Variants in CDKL4 observed in about 807,000 individuals in gnomAD.
CDKL4 encodes cyclin dependent kinase like 4.
CDKL4 carries 44 observed loss-of-function variants against 42.0 expected under a neutral mutation model. The observed-to-expected ratio is 1.05, with a 90% CI of 0.82 to 1.35. The LOEUF is 1.35. Ranked by LOEUF, CDKL4 falls within the 40% of genes most tolerant of loss-of-function variation. The pLI is 0.00. For missense variants in CDKL4, 393 were observed against 369.9 expected, an observed-to-expected ratio of 1.06 and a Z score of -0.51; for synonymous variants, 120 against 121.6, an observed-to-expected ratio of 0.99 and a Z score of 0.09.
Position 39,233,899 on chromosome 2 carries a change from A to AC in CDKL4, c.-56-4312_-56-4311insG, listed in dbSNP as rs1558586357. Among the ~76,000 whole-genome samples the AC allele has an allele frequency of 2.3e-3, 294 of 130,328 alleles. 1 individual carries two copies. The highest frequency in any genetic ancestry group is 7.6e-3 in the African/African-American group (274 of 36,036). The allele number at this position is 130,328 out of a possible 152,430, so 85.5% of individuals were successfully genotyped here. A position where few individuals can be genotyped will look rare whatever the true frequency, so the allele number is the denominator to read the frequency against. On this transcript the variant is annotated intron_variant, in intron 1 of 9. Coordinates refer to ENST00000451199, the Ensembl canonical transcript of CDKL4. ...AAGAAGATATATATATATATATATA[A>AC]ATTTTATTTTTACTTTTTTTTTTTT...
intron 5 of CDKL4, among the ~76,000 whole-genome samples, 153 bp downstream of exon 5, chr2:39,204,370 AAACG>A (rs1677038526): frequency 6.6e-6 from 1 of 152,360 alleles, no homozygotes; most frequent in African/African-American, 2.4e-5. Flanking sequence ...GTTGAAGTGC[AAACG>A]AATGTACTGA....
intron 3 of CDKL4, among the ~76,000 whole-genome samples, chr2:39,220,150 T>C: frequency 6.6e-6 from 1 of 152,106 alleles, no homozygotes; most frequent in East Asian, 1.9e-4. Context: ...AGTCCAGGAA[T>C]TGGAATGTGA....
At chr2:39,233,206 A>C (rs753258393) in intron 1 of CDKL4, among the ~76,000 whole-genome samples, 4 of 152,160 alleles carry the variant, frequency 2.6e-5, no homozygotes, top group Non-Finnish European at 5.9e-5. Context: ...GAGTAAAAGA[A>C]GGGCCTAAGA....
intron 1 of CDKL4, among the ~76,000 whole-genome samples, chr2:39,239,110 AC>A (rs1239024660): frequency 6.6e-6 from 1 of 152,226 alleles, no homozygotes; most frequent in African/African-American, 2.4e-5. Context: ...AGTCTTTTCA[AC>A]AAATGATACT....
At chr2:39,197,098 A>C (rs1676565184) in intron 5 of CDKL4, among the ~76,000 whole-genome samples, 1 of 152,222 alleles carries the variant, frequency 6.6e-6, no homozygotes, top group Admixed American at 6.5e-5. Context: ...TATGAATGGA[A>C]AAATCTCCAG....
At chr2:39,245,197 G>A (rs1176529302), upstream of CDKL4, among the ~76,000 whole-genome samples, 3 of 152,158 alleles carry the variant, frequency 2.0e-5, no homozygotes, top group Non-Finnish European at 4.4e-5. Context: ...CTGGGTCCAC[G>A]CCGCTTTTAT....
At chr2:39,200,627 G>A (rs1676789121) in intron 5 of CDKL4, among the ~76,000 whole-genome samples, 1 of 152,088 alleles carries the variant, frequency 6.6e-6, no homozygotes, top group South Asian at 2.1e-4. Context: ...TATGGTATTG[G>A]TATAAAAACA....
intron 5 of CDKL4, among the ~76,000 whole-genome samples, chr2:39,196,855 C>T (rs1160041716): frequency 2.0e-5 from 3 of 152,212 alleles, no homozygotes; most frequent in Non-Finnish European, 2.9e-5. Context: ...TATCTGCCCA[C>T]CTTGGCCTCC....
chr2:39,187,601 A>G lies in CDKL4; in HGVS notation c.735+26T>C, dbSNP rs1379888975. On this transcript the variant is annotated intron_variant, in intron 7 of 9. Coordinates refer to ENST00000451199, the Ensembl canonical transcript of CDKL4. ...TAAAGAAAGCCGCAACACAAGTAAT[A>G]AAATATTCAAAACAGAGCAGCTTAC... The G allele has an allele frequency of 2.7e-5, 41 of 1,493,576 alleles. No individual in the cohort carries two copies. The Middle Eastern group carries it at 5.4e-3, about 197-fold the overall frequency. The allele number at this position is 1,493,576 out of a possible 1,614,324, so 92.5% of individuals were successfully genotyped here.
intron 1 of CDKL4, among the ~76,000 whole-genome samples, chr2:39,237,914 C>A (rs1170498190): frequency 6.8e-6 from 1 of 146,618 alleles, no homozygotes; most frequent in Non-Finnish European, 1.6e-5. Context: ...ATAATGGCAA[C>A]AAACAATTTG....
intron 5 of CDKL4, among the ~76,000 whole-genome samples, chr2:39,203,315 A>G (rs1356568618): frequency 6.6e-6 from 1 of 152,226 alleles, no homozygotes; most frequent in Non-Finnish European, 1.5e-5. Context: ...AAAATCCCCA[A>G]AAGGAACAAT....
At chr2:39,245,326 C>T (rs1216409715), upstream of CDKL4, among the ~76,000 whole-genome samples, 1 of 152,136 alleles carries the variant, frequency 6.6e-6, no homozygotes, top group South Asian at 2.1e-4. Flanking sequence ...TAACACTCAC[C>T]GCAAGGTCTG....
intron 4 of CDKL4, among the ~76,000 whole-genome samples, chr2:39,212,234 ATTT>A (rs34797813): frequency 7.1e-6 from 1 of 141,550 alleles, no homozygotes. Context: ...AAATTAATGA[ATTT>A]TTTTTTTTTT....
chr2:39,194,053 G>C (rs1040866047), intron 5 of CDKL4, among the ~76,000 whole-genome samples: 1 of 152,170 alleles, frequency 6.6e-6, no homozygotes, highest in Non-Finnish European at 1.5e-5. Flanking sequence ...GATTATGGGA[G>C]ATTCCTAAAA....
intron 3 of CDKL4, among the ~76,000 whole-genome samples, chr2:39,214,617 T>C (rs1677802073): frequency 6.6e-6 from 1 of 152,238 alleles, no homozygotes; most frequent in African/African-American, 2.4e-5. Flanking sequence ...AGGCACCCAT[T>C]ACATTTCGAT....
chr2:39,178,792 C>A, intron 9 of CDKL4: 1 of 1,570,164 alleles, frequency 6.4e-7, no homozygotes, highest in South Asian at 1.2e-5. Flanking sequence ...GTCAAGTTAC[C>A]GTTATTGCAC....
intron 5 of CDKL4, 137 bp from the exon 6 acceptor site, chr2:39,190,639 A>G: frequency 1.5e-6 from 1 of 676,166 alleles, no homozygotes; most frequent in South Asian, 1.9e-5. Context: ...TGAGGCACTA[A>G]TTGAGGAAAC....
At chr2:39,221,202 A>G (rs1269386607) in intron 3 of CDKL4, among the ~76,000 whole-genome samples, 1 of 150,686 alleles carries the variant, frequency 6.6e-6, no homozygotes, top group Non-Finnish European at 1.5e-5. Context: ...TTTTTAGAAG[A>G]TATGGGGTTT....
chr2:39,212,496 G>A (rs1376668096), intron 4 of CDKL4, among the ~76,000 whole-genome samples: 3 of 151,820 alleles, frequency 2.0e-5, no homozygotes, highest in African/African-American at 7.3e-5. Context: ...GCCTCCCAAA[G>A]TGCTGGGATT....
Sources: gnomAD v4.1 joint callset for allele counts (sites outside exome capture counted in the v4.1 genomes callset) on GRCh38, gnomAD v4.1.1 for gene constraint, MANE v1.5 for transcripts, NCBI Gene and HGNC (gene_info 2026-07-23, HGNC 2026-07-21) for gene names.